The following IST1 variants were observed in gnomAD, a reference collection of about 807,000 sequenced individuals.
IST1 encodes IST1 factor associated with ESCRT-III, also known as IST1 homolog.
A neutral mutation model predicts 37.0 loss-of-function variants in IST1; 23 were observed. That is an observed-to-expected ratio of 0.62 (90% CI 0.45 to 0.88). The LOEUF is 0.88. IST1 is among the 40% of genes least tolerant of loss of function. The pLI is 0.00. For missense variants in IST1, 488 were observed against 445.4 expected, an observed-to-expected ratio of 1.10 and a Z score of -0.86; for synonymous variants, 180 against 161.7, an observed-to-expected ratio of 1.11 and a Z score of -0.86.
chr16:71,896,944 G>A (rs185158696), intron 1 of IST1, among the ~76,000 whole-genome samples: 1 of 151,746 alleles, frequency 6.6e-6, no homozygotes, highest in East Asian at 1.9e-4. Context: ...ATTTCAGTCT[G>A]GAGGACAGAG....
chr16:71,913,915 T>G (rs1373748126), intron 1 of IST1, among the ~76,000 whole-genome samples: 3 of 149,052 alleles, frequency 2.0e-5, no homozygotes, highest in Non-Finnish European at 4.5e-5. Flanking sequence ...TTAAAGCAAT[T>G]CTCCTGCCTC....
chr16:71,901,438 C>T (rs2037106528), intron 1 of IST1, among the ~76,000 whole-genome samples: 1 of 152,314 alleles, frequency 6.6e-6, no homozygotes, highest in Admixed American at 6.5e-5. Flanking sequence ...TGGTCTCGAT[C>T]TCCTGACCTC....
chr16:71,930,210 G>A lies in IST1; in HGVS notation c.*2397G>A. The A allele has an allele frequency of 1.3e-6, 2 of 1,522,816 alleles. No homozygotes were observed. The highest frequency in any genetic ancestry group is 1.4e-5 in the African/African-American group (1 of 71,630). 94.3% of individuals were successfully genotyped at this position (1,522,816 alleles called of 1,614,324 possible). A position where few individuals can be genotyped will look rare whatever the true frequency, so the allele number is the denominator to read the frequency against. On this transcript the variant is annotated 3_prime_UTR_variant, in exon 10 of 10. Transcript: ENST00000378799. ...TGGGAAAACAATAAGAACACTTGCAGTGACTGACAATTTAGTTTATACTTT... is the reference window on the plus strand; with the variant it reads ...TGGGAAAACAATAAGAACACTTGCAATGACTGACAATTTAGTTTATACTTT...
In IST1 at chr16:71,924,711, A is replaced by G; in HGVS notation, c.853-58A>G. ...TTTTGGAAACACAGGGGCTTACACC[A>G]GTACTTTCTCCAGTGACACTATTGC... On this transcript the variant is annotated intron_variant, in intron 8 of 9. Transcript: ENST00000378799. 4 of 1,306,750 alleles carry G rather than the reference A, an allele frequency of 3.1e-6. No individual in the cohort carries two copies. In the Admixed American group the frequency reaches 5.0e-5, roughly 16 times the overall value. The allele number at this position is 1,306,750 out of a possible 1,614,324, so 80.9% of individuals were successfully genotyped here. A position where few individuals can be genotyped will look rare whatever the true frequency, so the allele number is the denominator to read the frequency against.
intron 1 of IST1, 47 bp downstream of exon 1, chr16:71,895,636 C>T (rs926070698): frequency 8.9e-6 from 7 of 785,544 alleles, no homozygotes; most frequent in Non-Finnish European, 1.1e-5. Flanking sequence ...TTCCTCTTCT[C>T]TCTGCGCTCC....
At chr16:71,922,400 A>G (rs1417197196) in intron 6 of IST1, 74 bp from the exon 7 acceptor site, 9 of 1,272,626 alleles carry the variant, frequency 7.1e-6, no homozygotes, top group African/African-American at 1.5e-5. Flanking sequence ...GCTAATCTCC[A>G]TCTCAGACTC....
chr16:71,930,301 TAGGG>T lies in IST1; in HGVS notation c.*2491_*2494del. On this transcript the variant is annotated 3_prime_UTR_variant, in exon 10 of 10. Coordinates refer to ENST00000378799, the MANE Select transcript of IST1 (RefSeq NM_001270975.2). ...AAGAAAAGCTTATCCGAAGGAAACT[TAGGG>T]AGAGAGTCAAAAGATAATAAGAAGG... 1 of 1,051,536 alleles carries T rather than the reference TAGGG, an allele frequency of 9.5e-7. No homozygotes were observed. The highest frequency in any genetic ancestry group is 1.3e-6 in the Non-Finnish European group (1 of 773,500). The allele number at this position is 1,051,536 out of a possible 1,614,324, so 65.1% of individuals were successfully genotyped here. A position where few individuals can be genotyped will look rare whatever the true frequency, so the allele number is the denominator to read the frequency against.
intron 9 of IST1, among the ~76,000 whole-genome samples, chr16:71,926,711 C>CT (rs2037753124): frequency 6.6e-6 from 1 of 152,148 alleles, no homozygotes; most frequent in South Asian, 2.1e-4. Flanking sequence ...CAACATTACT[C>CT]TTACCTCAAA....
chr16:71,908,581 A>G (rs2142546707), intron 1 of IST1, among the ~76,000 whole-genome samples: 1 of 152,310 alleles, frequency 6.6e-6, no homozygotes, highest in Admixed American at 6.5e-5. Flanking sequence ...GCACCCAGCC[A>G]GCATTTTTAT....
chr16:71,920,707 C>CT (rs1430611021), intron 4 of IST1, 32 bp from the exon 5 acceptor site: 2 of 1,519,618 alleles, frequency 1.3e-6, no homozygotes, highest in African/African-American at 1.4e-5. Context: ...GGAGTGGTCT[C>CT]TATTTTTATT....
Position 71,930,058 on chromosome 16 carries a change from C to G in IST1, c.*2245C>G. Reference sequence around the variant, plus strand: ...TTATCTTTTAGTTACCTACCTTAAGCGACTTTCTTTCTTTTCCAAAGGCCA... The same window carrying G: ...TTATCTTTTAGTTACCTACCTTAAGGGACTTTCTTTCTTTTCCAAAGGCCA... On this transcript the variant is annotated 3_prime_UTR_variant, in exon 10 of 10. Transcript: ENST00000378799. The G allele has an allele frequency of 1.9e-6, 3 of 1,548,428 alleles. No homozygotes were observed. Among genetic ancestry groups the G allele is most frequent in the Non-Finnish European group, 2.6e-6 (3 of 1,145,874 alleles).
In IST1 at chr16:71,927,887, C is replaced by T. The variant is rs1185438428; in HGVS notation, c.*74C>T. The T allele has an allele frequency of 5.7e-6, 6 of 1,060,546 alleles. No individual in the cohort carries two copies. The East Asian group carries it at 1.2e-4, about 21-fold the overall frequency. The allele number at this position is 1,060,546 out of a possible 1,614,324, so 65.7% of individuals were successfully genotyped here. On this transcript the variant is annotated 3_prime_UTR_variant, in exon 10 of 10. Transcript: ENST00000378799. ...ATTTCTCCTTGTAACAAAGAATCTC[C>T]ATGAAATTCTGTTTCATCTGTTAAC...
chr16:71,923,081 C>A (rs2037647234), intron 7 of IST1: 1 of 479,610 alleles, frequency 2.1e-6, no homozygotes, highest in East Asian at 3.6e-5. Flanking sequence ...GCACTTGATT[C>A]AATAAAGAAT....
At chr16:71,901,865 C>T (rs192052542) in intron 1 of IST1, among the ~76,000 whole-genome samples, 5 of 152,098 alleles carry the variant, frequency 3.3e-5, no homozygotes, top group Admixed American at 6.6e-5. Context: ...GGTGACATAC[C>T]GTTCTAGGCA....
At position 71,931,129 on chromosome 16, in the gene IST1, A is replaced by G. The variant is rs911239496; in HGVS notation, c.*3316A>G. ...ATGTTTTTTACTTTATGTTTACTGT[A>G]TTTTTATGTACAATTACATCCAAAG... On this transcript the variant is annotated 3_prime_UTR_variant, in exon 10 of 10. Coordinates refer to ENST00000378799, the MANE Select transcript of IST1 (RefSeq NM_001270975.2). 1.3e-5 allele frequency: 2 copies of G among 152,068 alleles called. No individual in the cohort carries two copies. Among genetic ancestry groups the G allele is most frequent in the African/African-American group, 4.8e-5 (2 of 41,400 alleles). 9.4% of individuals were successfully genotyped at this position (152,068 alleles called of 1,614,324 possible).
intron 1 of IST1, among the ~76,000 whole-genome samples, chr16:71,908,944 T>G (rs2037289709): frequency 6.6e-6 from 1 of 152,180 alleles, no homozygotes; most frequent in African/African-American, 2.4e-5. Flanking sequence ...GTTTTACAGC[T>G]TCATTCAGTG....
In IST1 at chr16:71,929,628, T is replaced by C. The variant is rs1225116329; in HGVS notation, c.*1815T>C. ...AGGTTTTTTGGGGCCAACTGATTCC[T>C]AACAAATTTGAGAGCTTCTGTAGCA... On this transcript the variant is annotated 3_prime_UTR_variant, in exon 10 of 10. Coordinates refer to ENST00000378799, the MANE Select transcript of IST1 (RefSeq NM_001270975.2). 9.0e-6 allele frequency: 14 copies of C among 1,551,654 alleles called. No individual in the cohort carries two copies. Among genetic ancestry groups the C allele is most frequent in the Admixed American group, 2.0e-5 (1 of 50,966 alleles).
In IST1 at chr16:71,904,885, T is replaced by C. The variant is rs149969076; in HGVS notation, c.-16+9296T>C. 1.8e-3 allele frequency among the ~76,000 whole-genome samples: 275 copies of C among 152,340 alleles called. 1 individual carries two copies. The highest frequency in any genetic ancestry group is 3.2e-3 in the Non-Finnish European group (216 of 68,038). ...TGTTTATACCATTTTCATTTAATTATGTAATTTTTGAATGTTTGAGTTTAG... is the reference window on the plus strand; with the variant it reads ...TGTTTATACCATTTTCATTTAATTACGTAATTTTTGAATGTTTGAGTTTAG... On this transcript the variant is annotated intron_variant, in intron 1 of 9. Transcript: ENST00000378799.
chr16:71,905,496 A>G (rs942451248), intron 1 of IST1, among the ~76,000 whole-genome samples: 1 of 151,074 alleles, frequency 6.6e-6, no homozygotes, highest in African/African-American at 2.4e-5. Context: ...CTTTTGCCTC[A>G]GCCTCCCTAG....
Sources: gnomAD v4.1 joint callset for allele counts (sites outside exome capture counted in the v4.1 genomes callset) on GRCh38, gnomAD v4.1.1 for gene constraint, MANE v1.5 for transcripts, NCBI Gene and HGNC (gene_info 2026-07-23, HGNC 2026-07-21) for gene names.